The following TRAK2 variants were observed in gnomAD, a reference collection of about 807,000 sequenced individuals.
TRAK2 encodes the protein trafficking kinesin-binding protein 2.
In TRAK2, 81 loss-of-function variants were observed where a neutral mutation model predicts 104.6. The ratio of observed to expected loss-of-function variants is 0.77; its 90% CI spans 0.65 to 0.93. TRAK2 has a LOEUF of 0.93. Ranked by LOEUF, TRAK2 falls within the 40% of genes least tolerant of loss-of-function variation. TRAK2 has a pLI of 0.00. For synonymous variants in TRAK2, 406 were observed against 394.4 expected, an observed-to-expected ratio of 1.03 and a Z score of -0.35; for missense variants, 1,002 against 1,089.0, an observed-to-expected ratio of 0.92 and a Z score of 1.12.
At chr2:201,411,003 A>C in intron 2 of TRAK2, 2 of 1,434,038 alleles carry the variant, frequency 1.4e-6, no homozygotes, top group Non-Finnish European at 2.0e-6. Context: ...CTGAAAGCCC[A>C]TATTGACATT....
chr2:201,443,158 G>C (rs1050396406), intron 1 of TRAK2, among the ~76,000 whole-genome samples: 3 of 151,936 alleles, frequency 2.0e-5, no homozygotes, highest in Non-Finnish European at 4.4e-5. Flanking sequence ...CCTTACTCAA[G>C]CTTCTTCAAA....
rs1322972199 is a variant in TRAK2, at chr2:201,424,801, G to T, written c.-199-4095C>A. 2.6e-5 allele frequency among the ~76,000 whole-genome samples: 4 copies of T among 151,926 alleles called. No individual in the cohort carries two copies. In the East Asian group the frequency reaches 7.8e-4, roughly 29 times the overall value. On this transcript the variant is annotated intron_variant, in intron 1 of 15. Transcript: ENST00000332624. Reference sequence around the variant, plus strand: ...TTGTATTTTTTTTAGTAGAGACGGGGTTTCACTGTGTTAGCCAGGATGGTC... The same window carrying T: ...TTGTATTTTTTTTAGTAGAGACGGGTTTTCACTGTGTTAGCCAGGATGGTC...
intron 2 of TRAK2, among the ~76,000 whole-genome samples, chr2:201,416,202 CAT>C (rs1951690398): frequency 1.1e-5 from 1 of 87,582 alleles, no homozygotes; most frequent in South Asian, 4.0e-4. Context: ...AGCTTGGCAA[CAT>C]AGTGAAACCC....
intron 1 of TRAK2, among the ~76,000 whole-genome samples, chr2:201,440,207 A>C (rs1330913570): frequency 2.0e-5 from 3 of 152,062 alleles, no homozygotes; most frequent in Non-Finnish European, 4.4e-5. Flanking sequence ...AAATAATCCC[A>C]AATTGCTATT....
chr2:201,403,713 G>A (rs1337429797), intron 3 of TRAK2, among the ~76,000 whole-genome samples: 1 of 146,314 alleles, frequency 6.8e-6, no homozygotes, highest in Non-Finnish European at 1.5e-5. Context: ...CGTTTTGCCA[G>A]TTTTCCATAG....
rs185299688 is a variant in TRAK2 at position 201,430,736 on chromosome 2, C to T, written c.-199-10030G>A. Among the ~76,000 whole-genome samples, 350 of 152,312 alleles carry T rather than the reference C, an allele frequency of 2.3e-3. 1 individual carries two copies. The highest frequency in any genetic ancestry group is 7.9e-3 in the African/African-American group (329 of 41,570). On this transcript the variant is annotated intron_variant, in intron 1 of 15. Coordinates refer to ENST00000332624, the MANE Select transcript of TRAK2 (RefSeq NM_015049.3). ...TCCAGGTACCGTCTGTCATGGCTTC[C>T]CTTGGCTAGGAAAGGGAATTCTTTG...
At chr2:201,405,197 T>A (rs914783976) in intron 3 of TRAK2, among the ~76,000 whole-genome samples, 2 of 152,204 alleles carry the variant, frequency 1.3e-5, no homozygotes, top group Non-Finnish European at 2.9e-5. Flanking sequence ...CCTCTATGAC[T>A]GGGTTTATGG....
intron 1 of TRAK2, among the ~76,000 whole-genome samples, chr2:201,424,556 C>T (rs1008942885): frequency 6.6e-6 from 1 of 151,570 alleles, no homozygotes; most frequent in Non-Finnish European, 1.5e-5. Context: ...AAATTTGGCC[C>T]ACAGCCAAAT....
chr2:201,440,778 T>C (rs190991079), intron 1 of TRAK2, among the ~76,000 whole-genome samples: 56 of 152,378 alleles, frequency 3.7e-4, no homozygotes, highest in Non-Finnish European at 7.3e-5. Context: ...CATATCCTAC[T>C]GCTCAAGGTC....
intron 10 of TRAK2, among the ~76,000 whole-genome samples, chr2:201,390,959 A>T (rs1951442914): frequency 1.3e-5 from 2 of 151,804 alleles, no homozygotes; most frequent in Admixed American, 6.6e-5. Context: ...ATATATATTT[A>T]TATATATATG....
chr2:201,405,448 T>G (rs1357584535), intron 3 of TRAK2, among the ~76,000 whole-genome samples: 1 of 152,228 alleles, frequency 6.6e-6, no homozygotes, highest in Non-Finnish European at 1.5e-5. Flanking sequence ...CAAACTTGTG[T>G]GTGCATCAGT....
chr2:201,443,373 G>C (rs564292985), intron 1 of TRAK2, among the ~76,000 whole-genome samples: 15 of 152,146 alleles, frequency 9.9e-5, no homozygotes, highest in Non-Finnish European at 1.8e-4. Flanking sequence ...CTCCTGGAGA[G>C]AGAGAGATCT....
At chr2:201,410,703 C>T (rs1288712909) in intron 2 of TRAK2, 4 of 1,389,308 alleles carry the variant, frequency 2.9e-6, no homozygotes, top group South Asian at 1.2e-5. Flanking sequence ...CTGAACTGCC[C>T]GTAGCTGGAG....
In TRAK2 at chr2:201,381,106, G is replaced by C. The variant is rs747395607; in HGVS notation, c.2182C>G (p.Arg728Gly). 9.3e-6 allele frequency: 15 copies of C among 1,613,882 alleles called. No homozygotes were observed. In the East Asian group the frequency reaches 3.1e-4, roughly 34 times the overall value. The change falls in exon 16 of 16, where the codon CGA becomes GGA. Residue 728 changes from arginine to glycine, a missense_variant. Physicochemically the swap from Arg to Gly is moderately radical, Grantham distance 125 (BLOSUM62 -2). Transcript: ENST00000332624. ...RLSIGESITN[R>G]RDSTTTFSST... ...CTGAAGGTTGTAGTGGAATCTCGTC[G>C]GTTGGTGATGGACTCACCAATGCTG...
intron 8 of TRAK2, 169 bp downstream of exon 8, chr2:201,395,144 AT>A (rs1442986755): frequency 1.6e-6 from 1 of 639,702 alleles, no homozygotes. Context: ...GAAAGTATTT[AT>A]TCATGATATC....
chr2:201,399,988 A>C (rs770783989), intron 4 of TRAK2, among the ~76,000 whole-genome samples: 3 of 152,132 alleles, frequency 2.0e-5, no homozygotes, highest in African/African-American at 4.8e-5. Flanking sequence ...ATGTGCATTC[A>C]GCAGCTTAGA....
chr2:201,404,516 T>C (rs1951576865), intron 3 of TRAK2, among the ~76,000 whole-genome samples: 1 of 152,200 alleles, frequency 6.6e-6, no homozygotes, highest in Admixed American at 6.5e-5. Context: ...TTAACATACA[T>C]AAGCACTTCA....
intron 8 of TRAK2, 119 bp from the exon 9 acceptor site, chr2:201,394,991 G>T: frequency 3.3e-6 from 3 of 909,784 alleles, no homozygotes; most frequent in Non-Finnish European, 4.9e-6. Flanking sequence ...CCTACAAAAA[G>T]CTAACCTTTC....
In TRAK2 at chr2:201,393,060, T is replaced by C. The variant is rs755633364; in HGVS notation, c.976-14A>G. The C allele has an allele frequency of 6.2e-7, 1 of 1,604,890 alleles. No individual in the cohort carries two copies. The highest frequency in any genetic ancestry group is 1.1e-5 in the South Asian group (1 of 89,786). ...TAACTCGTGCAGCTAAAAGAAAGGA[T>C]GGTAGTGTACTTTATTGCCTTCCCA... On this transcript the variant is annotated splice_polypyrimidine_tract_variant and intron_variant, in intron 9 of 15. Coordinates refer to ENST00000332624, the MANE Select transcript of TRAK2 (RefSeq NM_015049.3).
Sources: allele counts gnomAD v4.1 joint callset (sites outside exome capture counted in the v4.1 genomes callset), GRCh38; gene constraint gnomAD v4.1.1; transcripts MANE v1.5; gene names NCBI Gene and HGNC (gene_info 2026-07-23, HGNC 2026-07-21).